TENM2: variants seen among roughly 807,000 people sequenced by gnomAD.
TENM2 encodes teneurin transmembrane protein 2.
In TENM2, 52 loss-of-function variants were observed where a neutral mutation model predicts 245.2. That is an observed-to-expected ratio of 0.21 (90% CI 0.17 to 0.27). The LOEUF (loss-of-function observed/expected upper bound fraction) is 0.27. Among genes scored for constraint, TENM2 ranks in the 10% least tolerant of loss-of-function variants. The pLI is 1.00. For missense variants in TENM2, 3,046 were observed against 3,666.8 expected, an observed-to-expected ratio of 0.83 and a Z score of 4.37; for synonymous variants, 1,363 against 1,438.9, an observed-to-expected ratio of 0.95 and a Z score of 1.19.
intron 2 of TENM2, among the ~76,000 whole-genome samples, chr5:167,851,177 G>A (rs1453693886): frequency 2.0e-5 from 3 of 152,056 alleles, no homozygotes; most frequent in East Asian, 3.9e-4. Context: ...GGTTGTTGAT[G>A]TGTGTTATCA....
At chr5:167,612,777 C>G (rs547101385) in intron 2 of TENM2, among the ~76,000 whole-genome samples, 30 of 152,134 alleles carry the variant, frequency 2.0e-4, no homozygotes, top group Non-Finnish European at 3.7e-4. Flanking sequence ...TCTTTGACCT[C>G]CTAGATGACA....
chr5:167,931,121 T>C (rs1003896692), intron 3 of TENM2, among the ~76,000 whole-genome samples: 2 of 152,224 alleles, frequency 1.3e-5, no homozygotes, highest in African/African-American at 4.8e-5. Flanking sequence ...TCATCCCAAG[T>C]TTCCAACTAT....
chr5:167,267,601 C>T, the TENM2 span, among the ~76,000 whole-genome samples: 1 of 152,144 alleles, frequency 6.6e-6, no homozygotes, highest in Non-Finnish European at 1.5e-5. Flanking sequence ...GAAGAGTTTA[C>T]ACTGTTGTAA....
At position 168,117,550 on chromosome 5, in the gene TENM2, C is replaced by G. The variant is rs866479962; in HGVS notation, c.1814-742C>G. 3.3e-5 allele frequency among the ~76,000 whole-genome samples: 5 copies of G among 152,292 alleles called. No homozygotes were observed. The Middle Eastern group carries it at 0.017, about 518-fold the overall frequency. The stretch of plus-strand genomic sequence containing the variant: ...AGAACAATTAAAGCAGTAGCTGTAA[C>G]ATAAATTATGTGGATGTAATTTCTC... On this transcript the variant is annotated intron_variant, in intron 9 of 28. Coordinates refer to ENST00000518659, the Ensembl canonical transcript of TENM2.
At chr5:166,980,765 G>GT in the TENM2 span, among the ~76,000 whole-genome samples, 1 of 152,158 alleles carries the variant, frequency 6.6e-6, no homozygotes, top group Admixed American at 6.5e-5. Context: ...GCAGGTTGCA[G>GT]TTTCTGTACA....
chr5:167,576,790 C>T (rs1261685574), intron 2 of TENM2, among the ~76,000 whole-genome samples: 2 of 152,148 alleles, frequency 1.3e-5, no homozygotes, highest in Non-Finnish European at 2.9e-5. Flanking sequence ...AATAGAATTT[C>T]ATTGCTCTGA....
rs552146451 is a variant in TENM2 at position 167,954,198 on chromosome 5, CACAA to C, written c.947+1384_947+1387del. ...ACACACTCACTCACACACACACACA[CACAA>C]ACAAACACACACACAGGCTCTCACA... On this transcript the variant is annotated intron_variant, in intron 4 of 28. Coordinates refer to ENST00000518659, the Ensembl canonical transcript of TENM2. 2.0e-3 allele frequency among the ~76,000 whole-genome samples: 298 copies of C among 152,234 alleles called. 1 individual carries two copies. Among genetic ancestry groups the C allele is most frequent in the African/African-American group, 4.9e-3 (205 of 41,514 alleles).
At chr5:168,210,835 G>C (rs545054322) in intron 19 of TENM2, among the ~76,000 whole-genome samples, 1 of 152,126 alleles carries the variant, frequency 6.6e-6, no homozygotes, top group African/African-American at 2.4e-5. Context: ...GAAGCCTCGA[G>C]AATGGGAGTG....
the TENM2 span, among the ~76,000 whole-genome samples, chr5:167,008,967 A>G: frequency 2.0e-5 from 3 of 152,312 alleles, no homozygotes; most frequent in Non-Finnish European, 4.4e-5. Flanking sequence ...TGTGCTCCAC[A>G]TCGAGACATG....
chr5:167,524,695 C>CATA (rs1770988468), intron 2 of TENM2, among the ~76,000 whole-genome samples: 1 of 151,830 alleles, frequency 6.6e-6, no homozygotes, highest in African/African-American at 2.4e-5. Flanking sequence ...ATACCAGAGG[C>CATA]ATAAATGTAC....
chr5:167,807,722 T>G (rs1364739230), intron 2 of TENM2, among the ~76,000 whole-genome samples: 1 of 152,052 alleles, frequency 6.6e-6, no homozygotes, highest in Non-Finnish European at 1.5e-5. Context: ...GCTCTATATG[T>G]GATCACTTAT....
chr5:166,980,611 A>G, the TENM2 span, among the ~76,000 whole-genome samples: 1 of 152,216 alleles, frequency 6.6e-6, no homozygotes. Context: ...CCAGTTGAGT[A>G]GAAAAACTGA....
chr5:168,170,760 T>C (rs575677891), intron 13 of TENM2, among the ~76,000 whole-genome samples: 2 of 151,918 alleles, frequency 1.3e-5, no homozygotes, highest in East Asian at 1.9e-4. Context: ...AGAGGGAGTG[T>C]TTTAGTAGGT....
intron 2 of TENM2, among the ~76,000 whole-genome samples, chr5:167,696,442 C>G (rs1436622838): frequency 1.3e-5 from 2 of 152,176 alleles, no homozygotes. Context: ...TCTCCCTTCA[C>G]AGTCTGTGGA....
chr5:167,327,163 T>C (rs1757137310), intron 1 of TENM2, among the ~76,000 whole-genome samples: 1 of 152,198 alleles, frequency 6.6e-6, no homozygotes, highest in South Asian at 2.1e-4. Flanking sequence ...CTCCTAATGC[T>C]ATCCCTCCCC....
intron 13 of TENM2, among the ~76,000 whole-genome samples, chr5:168,180,435 T>A (rs1759767160): frequency 6.6e-6 from 1 of 152,246 alleles, no homozygotes; most frequent in African/African-American, 2.4e-5. Flanking sequence ...CACTTTTGTG[T>A]TTCAGGGAAT....
intron 3 of TENM2, among the ~76,000 whole-genome samples, chr5:167,939,548 TA>T (rs1779003902): frequency 6.6e-6 from 1 of 152,220 alleles, no homozygotes; most frequent in Non-Finnish European, 1.5e-5. Context: ...TTTAGTGGGC[TA>T]AAAATTATCA....
chr5:167,431,253 A>G (rs1034360663), intron 2 of TENM2, among the ~76,000 whole-genome samples: 2 of 152,132 alleles, frequency 1.3e-5, no homozygotes, highest in Non-Finnish European at 2.9e-5. Context: ...ACCTTATTTC[A>G]TTGCTTGGTT....
chr5:167,717,105 C>T (rs1582828242), intron 2 of TENM2, among the ~76,000 whole-genome samples: 2 of 152,094 alleles, frequency 1.3e-5, no homozygotes, highest in East Asian at 3.9e-4. Flanking sequence ...CAGGCACACA[C>T]TACCACACCT....
Sources: gnomAD v4.1 joint callset for allele counts (sites outside exome capture counted in the v4.1 genomes callset) on GRCh38, gnomAD v4.1.1 for gene constraint, MANE v1.5 for transcripts, NCBI Gene and HGNC (gene_info 2026-07-23, HGNC 2026-07-21) for gene names.